The following MAP3K13 variants were observed in gnomAD, a reference collection of about 807,000 sequenced individuals.
The protein encoded by MAP3K13 is leucine zipper-bearing kinase.
A neutral mutation model predicts 104.0 loss-of-function variants in MAP3K13; 52 were observed. That is an observed-to-expected ratio of 0.50 (90% CI 0.40 to 0.63). MAP3K13 has a LOEUF of 0.63. Ranked by LOEUF, MAP3K13 falls within the 20% of genes least tolerant of loss-of-function variation. The pLI, the probability that MAP3K13 is intolerant of heterozygous loss-of-function variation, is 0.00. For missense variants in MAP3K13, 914 were observed against 1,218.5 expected (o/e 0.75, Z 3.72); for synonymous variants, 394 against 442.2 (o/e 0.89, Z 1.37).
chr3:185,416,133 CTTTCA>C (rs1713757514), intron 1 of MAP3K13, among the ~76,000 whole-genome samples: 1 of 152,138 alleles, frequency 6.6e-6, no homozygotes, highest in Admixed American at 6.5e-5. Context: ...ATTCTTTGTG[CTTTCA>C]TTTATAATAC....
chr3:185,384,941 T>G (rs759928522), intron 1 of MAP3K13, among the ~76,000 whole-genome samples: 1 of 152,216 alleles, frequency 6.6e-6, no homozygotes, highest in Non-Finnish European at 1.5e-5. Context: ...GTAGAAGTTT[T>G]TAAATTCAGT....
intron 2 of MAP3K13, among the ~76,000 whole-genome samples, chr3:185,347,595 T>C (rs1241038971): frequency 6.6e-6 from 1 of 152,184 alleles, no homozygotes; most frequent in African/African-American, 2.4e-5. Context: ...AAGTTTGCAG[T>C]AGATGGCAGC....
chr3:185,443,404 G>T (rs757485772), intron 3 of MAP3K13, 41 bp from the exon 4 acceptor site: 5 of 1,370,876 alleles, frequency 3.6e-6, no homozygotes, highest in Non-Finnish European at 5.1e-6. Context: ...ATGTATACTT[G>T]TATGTGTGTA....
intron 2 of MAP3K13, among the ~76,000 whole-genome samples, chr3:185,354,617 G>T (rs1031357133): frequency 6.6e-6 from 1 of 151,200 alleles, no homozygotes; most frequent in Non-Finnish European, 1.5e-5. Context: ...ATGGGGGGGG[G>T]GCAGGGTACT....
At chr3:185,412,476 T>C (rs1713507225) in intron 1 of MAP3K13, among the ~76,000 whole-genome samples, 1 of 152,134 alleles carries the variant, frequency 6.6e-6, no homozygotes, top group Admixed American at 6.6e-5. Context: ...AATTAAACAA[T>C]GGGTATGGAT....
chr3:185,450,086 G>A lies in MAP3K13; in HGVS notation c.1169+28G>A, dbSNP rs1715800223. 1 of 1,572,936 alleles carries A rather than the reference G, an allele frequency of 6.4e-7. No homozygotes were observed. The highest frequency in any genetic ancestry group is 8.6e-7 in the Non-Finnish European group (1 of 1,158,330). The stretch of plus-strand genomic sequence containing the variant: ...AAGAATATTGTCTCTAAAACAATAG[G>A]GAGGTCTCTAATGTGTATTTGGAGT... On this transcript the variant is annotated intron_variant, in intron 6 of 13. Coordinates refer to ENST00000265026, the MANE Select transcript of MAP3K13 (RefSeq NM_004721.5). The surrounding 1 kb of genome is among the most constrained non-coding windows in gnomAD (Gnocchi z 4.2).
At chr3:185,287,374 G>GA (rs1392739436) in intron 2 of MAP3K13, among the ~76,000 whole-genome samples, 7 of 152,166 alleles carry the variant, frequency 4.6e-5, no homozygotes, top group African/African-American at 1.7e-4. Context: ...GCATTTCGAA[G>GA]AATAGCTTGT....
intron 2 of MAP3K13, among the ~76,000 whole-genome samples, chr3:185,339,770 C>T (rs749658103): frequency 7.9e-5 from 12 of 152,168 alleles, no homozygotes; most frequent in South Asian, 6.2e-4. Flanking sequence ...GGATTTGGCC[C>T]GTGGGCTATA....
In MAP3K13 at chr3:185,315,924, G is replaced by A. The variant is rs541875186; in HGVS notation, c.-86+30281G>A. ...CTGAATAGGAGATATTAATTTATGA[G>A]TCATTAAGGTATAGAAGATCAATTA... On this transcript the variant is annotated intron_variant, in intron 2 of 14. Transcript: ENST00000424227. The surrounding 1 kb of genome is among the most constrained non-coding windows in gnomAD (Gnocchi z 4.3). 2.0e-5 allele frequency among the ~76,000 whole-genome samples: 3 copies of A among 152,252 alleles called. No homozygotes were observed. Among genetic ancestry groups the A allele is most frequent in the South Asian group, 4.1e-4 (2 of 4,830 alleles).
At chr3:185,350,233 T>C (rs1402320542) in intron 2 of MAP3K13, among the ~76,000 whole-genome samples, 2 of 152,252 alleles carry the variant, frequency 1.3e-5, no homozygotes, top group African/African-American at 4.8e-5. Context: ...TTGCCCAGGC[T>C]GGAGTGCAGT....
chr3:185,344,884 TTTA>T, intron 2 of MAP3K13, among the ~76,000 whole-genome samples: 1 of 90,550 alleles, frequency 1.1e-5, no homozygotes, highest in African/African-American at 7.5e-5. Flanking sequence ...AATCTCATAA[TTTA>T]TTTTTTTTTT....
At chr3:185,435,823 G>C (rs537614894) in intron 2 of MAP3K13, among the ~76,000 whole-genome samples, 25 of 152,296 alleles carry the variant, frequency 1.6e-4, no homozygotes, top group Non-Finnish European at 3.5e-4. Flanking sequence ...GGGAAGTGTA[G>C]CTCACTTCTA....
At chr3:185,441,444 G>A (rs1715315010) in intron 3 of MAP3K13, among the ~76,000 whole-genome samples, 1 of 152,146 alleles carries the variant, frequency 6.6e-6, no homozygotes. Flanking sequence ...CCTTCAAGGA[G>A]CTTACAATCT....
intron 1 of MAP3K13, among the ~76,000 whole-genome samples, chr3:185,378,334 G>A (rs908035267): frequency 3.3e-5 from 5 of 152,142 alleles, no homozygotes; most frequent in Admixed American, 6.5e-5. Flanking sequence ...GCTGCCAAAC[G>A]GGCCATGAAC....
In MAP3K13 at chr3:185,415,216, G is replaced by T. The variant is rs78189444; in HGVS notation, c.-85-13281G>T. ...CTTCCAGGCTGGAGTGCAGTGGCGC[G>T]ATCATGGCTCACTGCAACCTCTGCC... On this transcript the variant is annotated intron_variant, in intron 1 of 13. Transcript: ENST00000265026. 7.4e-3 allele frequency among the ~76,000 whole-genome samples: 1,122 copies of T among 151,906 alleles called. 24 individuals carry two copies. Among genetic ancestry groups the T allele is most frequent in the African/African-American group, 0.026 (1,059 of 41,402 alleles).
At chr3:185,381,643 T>C (rs1724727710) in intron 1 of MAP3K13, among the ~76,000 whole-genome samples, 1 of 152,224 alleles carries the variant, frequency 6.6e-6, no homozygotes, top group South Asian at 2.1e-4. Flanking sequence ...CTGTTTAAAA[T>C]GGTGCCAAAG....
intron 1 of MAP3K13, among the ~76,000 whole-genome samples, chr3:185,427,539 A>AG (rs1191403873): frequency 6.6e-6 from 1 of 152,198 alleles, no homozygotes; most frequent in Non-Finnish European, 1.5e-5. Flanking sequence ...GTGTTACCCC[A>AG]GATTTGGTGC....
intron 1 of MAP3K13, among the ~76,000 whole-genome samples, chr3:185,365,949 C>CT (rs1278535301): frequency 1.2e-4 from 8 of 65,856 alleles, no homozygotes; most frequent in Non-Finnish European, 2.7e-4. Context: ...CCCTCCCTCC[C>CT]TCCCTTCCTT....
At chr3:185,329,828 A>G (rs115794420) in intron 2 of MAP3K13, among the ~76,000 whole-genome samples, 1 of 151,990 alleles carries the variant, frequency 6.6e-6, no homozygotes. Flanking sequence ...ATGCATTTTT[A>G]AAAAACCTGG....
Sources: gnomAD v4.1 joint callset for allele counts (sites outside exome capture counted in the v4.1 genomes callset) on GRCh38, gnomAD v4.1.1 for gene constraint, Gnocchi (gnomAD v3.1) non-coding constraint, MANE v1.5 for transcripts, NCBI Gene and HGNC (gene_info 2026-07-23, HGNC 2026-07-21) for gene names.